The following GIT2 variants were observed in gnomAD, a reference collection of about 807,000 sequenced individuals.
GIT2 encodes the protein GIT ArfGAP 2.
A neutral mutation model predicts 100.3 loss-of-function variants in GIT2; 32 were observed. That is an observed-to-expected ratio of 0.32 (90% CI 0.24 to 0.43). The LOEUF is 0.43. Among genes scored for constraint, GIT2 ranks in the 20% least tolerant of loss-of-function variants. The pLI, the probability that GIT2 is intolerant of heterozygous loss-of-function variation, is 1.00. For synonymous variants in GIT2, 353 were observed against 364.1 expected (o/e 0.97, Z 0.35); for missense variants, 737 against 975.1 (o/e 0.76, Z 3.25).
rs1215710011 is a variant in GIT2 at position 109,931,886 on chromosome 12, A to C, written c.*1092T>G. On this transcript the variant is annotated 3_prime_UTR_variant, in exon 20 of 20. Transcript: ENST00000355312. ...CTCTCTAAGGAACTCTTGAAAGTTG[A>C]TGTCTAATTTTTAAGTACTCATGAG... is the stretch of plus-strand genomic sequence containing the variant. The C allele has an allele frequency of 2.6e-5, 4 of 152,238 alleles. No homozygotes were observed. Among genetic ancestry groups the C allele is most frequent in the Non-Finnish European group, 5.9e-5 (4 of 68,044 alleles). 9.4% of individuals were successfully genotyped at this position (152,238 alleles called of 1,614,324 possible). A position where few individuals can be genotyped will look rare whatever the true frequency, so the allele number is the denominator to read the frequency against.
intron 6 of GIT2, chr12:109,982,696 A>C (rs1166776574): frequency 6.9e-6 from 1 of 145,460 alleles, no homozygotes; most frequent in Non-Finnish European, 1.5e-5. Flanking sequence ...ATTGGAGTGC[A>C]GTGGCATGGT....
intron 7 of GIT2, among the ~76,000 whole-genome samples, chr12:109,979,069 C>G (rs1885736085): frequency 6.6e-6 from 1 of 152,030 alleles, no homozygotes; most frequent in African/African-American, 2.4e-5. Context: ...GACAAGCAAT[C>G]AGGATCCCCC....
chr12:109,980,669 C>T (rs1297349625), intron 7 of GIT2, among the ~76,000 whole-genome samples: 4 of 152,134 alleles, frequency 2.6e-5, no homozygotes, highest in African/African-American at 9.7e-5. Context: ...TGTTCAAGAA[C>T]TGTGGTACCC....
At chr12:109,950,170 C>T (rs1877433698) in intron 14 of GIT2, among the ~76,000 whole-genome samples, 1 of 152,228 alleles carries the variant, frequency 6.6e-6, no homozygotes, top group African/African-American at 2.4e-5. Flanking sequence ...AATTTCCTTC[C>T]CTAGTAAACA....
At chr12:109,975,038 T>C (rs930401096) in intron 7 of GIT2, among the ~76,000 whole-genome samples, 1 of 152,202 alleles carries the variant, frequency 6.6e-6, no homozygotes, top group African/African-American at 2.4e-5. Context: ...GTGCTAATAT[T>C]CCCTCCTCTG....
intron 16 of GIT2, among the ~76,000 whole-genome samples, chr12:109,944,979 A>C (rs28634178): frequency 0.026 from 4,021 of 152,320 alleles, 124 homozygotes; most frequent in African/African-American, 0.069. Context: ...GTTTAAAAAA[A>C]CAGTTTGCTC....
Position 109,929,941 on chromosome 12 carries a change from C to T in GIT2, c.*3037G>A, listed in dbSNP as rs1488421313. On this transcript the variant is annotated 3_prime_UTR_variant, in exon 20 of 20. Coordinates refer to ENST00000355312, the MANE Select transcript of GIT2 (RefSeq NM_057169.5). Reference sequence around the variant, plus strand: ...AATAATGAGTGACAGGGATCAAACACGTTGGAATAAAAGGCATCTCAGTTT... The same window carrying T: ...AATAATGAGTGACAGGGATCAAACATGTTGGAATAAAAGGCATCTCAGTTT... 1 of 152,500 alleles carries T rather than the reference C, an allele frequency of 6.6e-6. No homozygotes were observed. Among genetic ancestry groups the T allele is most frequent in the East Asian group, 1.9e-4 (1 of 5,198 alleles). The allele number at this position is 152,500 out of a possible 1,614,324, so 9.4% of individuals were successfully genotyped here. A position where few individuals can be genotyped will look rare whatever the true frequency, so the allele number is the denominator to read the frequency against.
At chr12:109,963,616 T>C (rs1461961616) in intron 9 of GIT2, among the ~76,000 whole-genome samples, 1 of 152,202 alleles carries the variant, frequency 6.6e-6, no homozygotes, top group Non-Finnish European at 1.5e-5. Context: ...TAACATTTAC[T>C]CATTCAAGGA....
intron 4 of GIT2, among the ~76,000 whole-genome samples, chr12:109,988,008 C>T (rs1378184649): frequency 1.3e-5 from 2 of 152,144 alleles, no homozygotes; most frequent in Non-Finnish European, 2.9e-5. Context: ...AACCTGGAAA[C>T]CTGAAGAAGT....
At position 109,933,245 on chromosome 12, in the gene GIT2, C is replaced by G; in HGVS notation, c.2068-55G>C. The G allele has an allele frequency of 2.9e-6, 3 of 1,043,124 alleles. No individual in the cohort carries two copies. Among genetic ancestry groups the G allele is most frequent in the Non-Finnish European group, 2.9e-6 (2 of 687,628 alleles). 64.6% of individuals were successfully genotyped at this position (1,043,124 alleles called of 1,614,324 possible). A position where few individuals can be genotyped will look rare whatever the true frequency, so the allele number is the denominator to read the frequency against. On this transcript the variant is annotated intron_variant, in intron 19 of 19. Transcript: ENST00000355312. The surrounding 1 kb of genome is among the most constrained non-coding windows in gnomAD (Gnocchi z 4.5). The stretch of plus-strand genomic sequence containing the variant: ...GAACTGCAGGGCAGACATCCAAAAG[C>G]AGGGGACAAACATTCTTCTAAAGCA...
chr12:109,934,195 G>C lies in GIT2; in HGVS notation c.2004-110C>G, dbSNP rs1034035301. 8 of 715,382 alleles carry C rather than the reference G, an allele frequency of 1.1e-5. No individual in the cohort carries two copies. In the African/African-American group the frequency reaches 1.4e-4, roughly 13 times the overall value. The allele number at this position is 715,382 out of a possible 1,614,324, so 44.3% of individuals were successfully genotyped here. A position where few individuals can be genotyped will look rare whatever the true frequency, so the allele number is the denominator to read the frequency against. On this transcript the variant is annotated intron_variant, in intron 18 of 19. Coordinates refer to ENST00000355312, the MANE Select transcript of GIT2 (RefSeq NM_057169.5). This position sits in a 1 kb window ranked among gnomAD's most constrained non-coding sequence, Gnocchi z 4.5. ...TTACATTCCCTTCATGAAGGGGCTAGGGCTGCAGTCAGCCGTGCATCCCAC... is the reference window on the plus strand; with the variant it reads ...TTACATTCCCTTCATGAAGGGGCTACGGCTGCAGTCAGCCGTGCATCCCAC...
chr12:109,939,726 T>TC (rs1305297690), intron 16 of GIT2: 7 of 144,706 alleles, frequency 4.8e-5, no homozygotes, highest in Non-Finnish European at 7.5e-5. Context: ...AATAAATAAA[T>TC]AAATCAGCCA....
chr12:109,948,204 T>G lies in GIT2; in HGVS notation c.1393-700A>C, dbSNP rs1565947364. 2 of 984,924 alleles carry G rather than the reference T, an allele frequency of 2.0e-6. No individual in the cohort carries two copies. The highest frequency in any genetic ancestry group is 1.7e-5 in the African/African-American group (1 of 57,234). The allele number at this position is 984,924 out of a possible 1,614,324, so 61.0% of individuals were successfully genotyped here. On this transcript the variant is annotated intron_variant, in intron 14 of 19. Transcript: ENST00000355312. The surrounding 1 kb of genome is among the most constrained non-coding windows in gnomAD (Gnocchi z 4.3). ...TATCACGAAGAAAACTGGAAACCTA[T>G]TGATCTATGGAATTGACATCTTCGC...
intron 16 of GIT2, among the ~76,000 whole-genome samples, chr12:109,944,593 C>T (rs1875758592): frequency 6.6e-6 from 1 of 152,218 alleles, no homozygotes; most frequent in Non-Finnish European, 1.5e-5. Context: ...TTAATACTTA[C>T]TGCCTGACTA....
At chr12:109,974,398 G>A (rs189410207) in intron 7 of GIT2, among the ~76,000 whole-genome samples, 39 of 151,988 alleles carry the variant, frequency 2.6e-4, no homozygotes, top group Middle Eastern at 3.4e-3. Flanking sequence ...GTGGTAGCAC[G>A]TGCCTGTAAT....
chr12:109,988,586 G>A (rs1328204412), intron 4 of GIT2, among the ~76,000 whole-genome samples: 1 of 151,904 alleles, frequency 6.6e-6, no homozygotes, highest in Non-Finnish European at 1.5e-5. Flanking sequence ...CGGGTGCAGT[G>A]GCTCACGCTT....
chr12:109,943,546 C>G (rs1875374684), intron 16 of GIT2, among the ~76,000 whole-genome samples: 1 of 152,132 alleles, frequency 6.6e-6, no homozygotes, highest in Admixed American at 6.6e-5. Context: ...GTTGGCCAGG[C>G]TGGTCTCAAA....
chr12:109,966,502 C>CT (rs1356132102), intron 8 of GIT2, among the ~76,000 whole-genome samples: 1 of 95,038 alleles, frequency 1.1e-5, no homozygotes, highest in Non-Finnish European at 1.9e-5. Flanking sequence ...GAGCAAGACT[C>CT]TGTCTCAAAA....
upstream of GIT2, chr12:109,999,820 GA>G (rs1889855557): frequency 5.4e-6 from 8 of 1,494,206 alleles, no homozygotes; most frequent in Non-Finnish European, 6.3e-6. This position sits in a 1 kb window ranked among gnomAD's most constrained non-coding sequence, Gnocchi z 4.3. Flanking sequence ...TCCCGGTGGG[GA>G]CTTCGGGGAA....
Sources: gnomAD v4.1 joint callset for allele counts (sites outside exome capture counted in the v4.1 genomes callset) on GRCh38, gnomAD v4.1.1 for gene constraint, Gnocchi (gnomAD v3.1) non-coding constraint, MANE v1.5 for transcripts, NCBI Gene and HGNC (gene_info 2026-07-23, HGNC 2026-07-21) for gene names.